The following PLA2G7 variants were observed in gnomAD, a reference collection of about 807,000 sequenced individuals.
PLA2G7 encodes platelet-activating factor acetylhydrolase.
In PLA2G7, 63 loss-of-function variants were observed where a neutral mutation model predicts 49.6. The ratio of observed to expected loss-of-function variants is 1.27; its 90% CI spans 1.04 to 1.57. The LOEUF (loss-of-function observed/expected upper bound fraction) is 1.57. Ranked by LOEUF, PLA2G7 falls within the 40% of genes most tolerant of loss-of-function variation. PLA2G7 has a pLI of 0.00. For missense variants in PLA2G7, 596 were observed against 521.2 expected (o/e 1.14, Z -1.40); for synonymous variants, 193 against 169.9 (o/e 1.14, Z -1.06).
rs367858800 is a variant in PLA2G7, at chr6:46,704,478, T to TCACA, written c.*78_*81dup. 207 of 87,704 alleles carry TCACA rather than the reference T, an allele frequency of 2.4e-3. 2 individuals carry two copies. The highest frequency in any genetic ancestry group is 6.9e-3 in the Admixed American group (59 of 8,516). 5.4% of individuals were successfully genotyped at this position (87,704 alleles called of 1,614,324 possible). A position where few individuals can be genotyped will look rare whatever the true frequency, so the allele number is the denominator to read the frequency against. On this transcript the variant is annotated 3_prime_UTR_variant, in exon 12 of 12. Coordinates refer to ENST00000274793, the MANE Select transcript of PLA2G7 (RefSeq NM_005084.4). ...CTCTCTCTCTCTCTCTCTCTCTCTC[T>TCACA]CACACACACACACACACACACACAC...
In PLA2G7 at chr6:46,717,709, CT is replaced by C. The variant is rs760308042; in HGVS notation, c.110-614del. On this transcript the variant is annotated intron_variant, in intron 2 of 11. Coordinates refer to ENST00000274793, the MANE Select transcript of PLA2G7 (RefSeq NM_005084.4). The stretch of plus-strand genomic sequence containing the variant: ...GGAGCCTCTATTTTCTTTCTTTTTT[CT>C]TTTTCTTTTTTTTTTTTTTTGAGAC... 4.1e-3 allele frequency among the ~76,000 whole-genome samples: 473 copies of C among 116,214 alleles called. 3 individuals carry two copies. Among genetic ancestry groups the C allele is most frequent in the African/African-American group, 0.011 (287 of 26,104 alleles). 76.2% of individuals were successfully genotyped at this position (116,214 alleles called of 152,430 possible).
At chr6:46,717,956 T>C (rs1765273093) in intron 2 of PLA2G7, among the ~76,000 whole-genome samples, 1 of 152,162 alleles carries the variant, frequency 6.6e-6, no homozygotes, top group Non-Finnish European at 1.5e-5. Context: ...GACCTCGTGA[T>C]CCGCCCACCT....
chr6:46,731,931 C>T (rs1765746970), intron 1 of PLA2G7, among the ~76,000 whole-genome samples: 1 of 152,158 alleles, frequency 6.6e-6, no homozygotes, highest in African/African-American at 2.4e-5. Context: ...AGTAAACTCG[C>T]TTCTGGCCTT....
chr6:46,717,541 T>C (rs1190806066), intron 2 of PLA2G7, among the ~76,000 whole-genome samples: 1 of 151,982 alleles, frequency 6.6e-6, no homozygotes, highest in Non-Finnish European at 1.5e-5. Flanking sequence ...TGAAACTAAA[T>C]GATCATCTTT....
At chr6:46,720,857 C>T (rs1478047823) in intron 2 of PLA2G7, among the ~76,000 whole-genome samples, 2 of 152,150 alleles carry the variant, frequency 1.3e-5, no homozygotes, top group African/African-American at 4.8e-5. Flanking sequence ...GACAATTACA[C>T]TCTTATATGG....
At chr6:46,713,720 T>G (rs920756668) in intron 5 of PLA2G7, among the ~76,000 whole-genome samples, 2 of 152,104 alleles carry the variant, frequency 1.3e-5, no homozygotes, top group Non-Finnish European at 2.9e-5. Context: ...AGAGGGTGGT[T>G]GTTGTTATGA....
At chr6:46,734,453 A>T (rs866282232) in intron 1 of PLA2G7, among the ~76,000 whole-genome samples, 3,682 of 109,308 alleles carry the variant, frequency 0.034, 478 homozygotes, top group African/African-American at 0.069. Flanking sequence ...AGAGAGAGAG[A>T]GAGAGAGAGA....
At chr6:46,722,710 C>A in intron 2 of PLA2G7, 73 bp downstream of exon 2, 1 of 882,512 alleles carries the variant, frequency 1.1e-6, no homozygotes. Context: ...TGCAGATGTG[C>A]AACTTCTTGG....
At position 46,711,582 on chromosome 6, in the gene PLA2G7, G is replaced by T. The variant is rs1765023717; in HGVS notation, c.577C>A (p.Gln193Lys). ...SASATYYFKD[Q>K]SAAEIGDKSW... ...TTGTCCCCTATTTCTGCAGCAGATT[G>T]GTCCTTGAAATAGTAAGTTGCAGAT... The change falls in exon 7 of 12, where the codon CAA becomes AAA. Residue 193 changes from glutamine (Q) to lysine (K), a missense_variant. Transcript: ENST00000274793. 2.5e-6 allele frequency: 4 copies of T among 1,613,444 alleles called. No homozygotes were observed. The East Asian group carries it at 6.7e-5, about 27-fold the overall frequency.
chr6:46,722,727 C>T (rs1385929147), intron 2 of PLA2G7, 56 bp downstream of exon 2: 4 of 1,059,818 alleles, frequency 3.8e-6, no homozygotes, highest in Non-Finnish European at 3.0e-6. Context: ...TTGGGGCCCA[C>T]TTGAAGTATG....
At chr6:46,721,391 C>T (rs1008012262) in intron 2 of PLA2G7, among the ~76,000 whole-genome samples, 1 of 151,854 alleles carries the variant, frequency 6.6e-6, no homozygotes, top group Non-Finnish European at 1.5e-5. Flanking sequence ...GCATTGGGCT[C>T]AATGCTGGGA....
rs763357903 is a variant in PLA2G7 at position 46,722,760 on chromosome 6, C to A, written c.109+23G>T. 7.8e-6 allele frequency: 11 copies of A among 1,409,540 alleles called. No homozygotes were observed. In the South Asian group the frequency reaches 1.3e-4, roughly 16 times the overall value. 87.3% of individuals were successfully genotyped at this position (1,409,540 alleles called of 1,614,324 possible). ...ATGGCGACAGATCAGTTGCTCAAGA[C>A]CTTGAACAAATACACCTCTTACCTG... On this transcript the variant is annotated intron_variant, in intron 2 of 11. Coordinates refer to ENST00000274793, the MANE Select transcript of PLA2G7 (RefSeq NM_005084.4).
At chr6:46,722,081 G>A (rs1470632766) in intron 2 of PLA2G7, among the ~76,000 whole-genome samples, 1 of 152,124 alleles carries the variant, frequency 6.6e-6, no homozygotes, top group African/African-American at 2.4e-5. Flanking sequence ...TTCCAATTAA[G>A]GTCTCTCTTA....
chr6:46,731,414 G>A lies in PLA2G7; in HGVS notation c.-35+3766C>T, dbSNP rs559718341. Among the ~76,000 whole-genome samples the A allele has an allele frequency of 1.8e-3, 274 of 152,252 alleles. 1 individual carries two copies. The highest frequency in any genetic ancestry group is 6.8e-3 in the Middle Eastern group (2 of 294). On this transcript the variant is annotated intron_variant, in intron 1 of 11. Transcript: ENST00000274793. ...ACAGATATCTGCATGACCACAGCCAGGACAAAGGCAAATCTGTCCAAAATA... is the reference window on the plus strand; with the variant it reads ...ACAGATATCTGCATGACCACAGCCAAGACAAAGGCAAATCTGTCCAAAATA...
At position 46,711,595 on chromosome 6, in the gene PLA2G7, G is replaced by T. The variant is rs1765025806; in HGVS notation, c.564C>A (p.Tyr188Ter). Residue 188 changes from tyrosine to a stop codon, truncating the protein, a stop_gained, in exon 7 of 12, where the codon TAC becomes TAA. Transcript: ENST00000274793. LOFTEE classifies it high-confidence loss of function. Reference protein sequence around the residue: ...EHRDRSASATYYFKDQSAAEI... With the variant: ...EHRDRSASAT ...CTGCAGCAGATTGGTCCTTGAAATA[G>T]TAAGTTGCAGATGCAGATCTATCTC... The T allele has an allele frequency of 6.2e-7, 1 of 1,613,638 alleles. No individual in the cohort carries two copies. Among genetic ancestry groups the T allele is most frequent in the Admixed American group, 1.7e-5 (1 of 59,996 alleles).
intron 7 of PLA2G7, 62 bp from the exon 8 acceptor site, chr6:46,710,720 T>A: frequency 1.5e-6 from 2 of 1,298,206 alleles, no homozygotes; most frequent in Non-Finnish European, 1.1e-6. Context: ...TATTTTAAAG[T>A]TTAGGTAGAA....
chr6:46,709,563 A>G, intron 8 of PLA2G7, 145 bp from the exon 9 acceptor site: 1 of 641,028 alleles, frequency 1.6e-6, no homozygotes, highest in South Asian at 1.8e-5. Flanking sequence ...ACACACATAC[A>G]TTTATACATA....
chr6:46,721,546 C>T (rs548233317), intron 2 of PLA2G7, among the ~76,000 whole-genome samples: 10 of 151,184 alleles, frequency 6.6e-5, no homozygotes, highest in East Asian at 1.9e-4. Context: ...AAATGTTTCC[C>T]GAATGATGAT....
At chr6:46,705,479 G>C (rs532807839) in intron 10 of PLA2G7, among the ~76,000 whole-genome samples, 178 bp from the exon 11 acceptor site, 1 of 152,234 alleles carries the variant, frequency 6.6e-6, no homozygotes, top group South Asian at 2.1e-4. Context: ...GTTTGTTTAG[G>C]GATCCCAGAG....
Sources: gnomAD v4.1 joint callset for allele counts (sites outside exome capture counted in the v4.1 genomes callset) on GRCh38, gnomAD v4.1.1 for gene constraint, MANE v1.5 for transcripts, NCBI Gene and HGNC (gene_info 2026-07-23, HGNC 2026-07-21) for gene names.